Variants in GLIS3 observed in about 807,000 individuals in gnomAD.
GLIS3 encodes the protein GLIS family zinc finger 3.
In GLIS3, 53 loss-of-function variants were observed where a neutral mutation model predicts 78.6. The observed-to-expected ratio is 0.67, with a 90% CI of 0.54 to 0.85. The LOEUF is 0.85. Ranked by LOEUF, GLIS3 falls within the 40% of genes least tolerant of loss-of-function variation. The pLI is 0.00. For missense variants in GLIS3, 1,703 were observed against 1,231.1 expected, an observed-to-expected ratio of 1.38 and a Z score of -5.74; for synonymous variants, 684 against 509.9, an observed-to-expected ratio of 1.34 and a Z score of -4.60.
At chr9:4,112,341 G>C (rs1175521080) in intron 4 of GLIS3, among the ~76,000 whole-genome samples, 4 of 152,168 alleles carry the variant, frequency 2.6e-5, no homozygotes, top group Non-Finnish European at 5.9e-5. Flanking sequence ...TAATAATGTA[G>C]AGATTACTGT....
intron 2 of GLIS3, among the ~76,000 whole-genome samples, chr9:4,341,695 A>G (rs1273246231): frequency 6.6e-6 from 1 of 152,238 alleles, no homozygotes; most frequent in Non-Finnish European, 1.5e-5. Context: ...GCCAGCTCTG[A>G]TAACTGTGCC....
intron 2 of GLIS3, among the ~76,000 whole-genome samples, chr9:4,184,970 G>C (rs924538099): frequency 2.0e-5 from 3 of 152,106 alleles, no homozygotes; most frequent in Non-Finnish European, 4.4e-5. Flanking sequence ...AATTTATTGA[G>C]GTACATTTTA....
At chr9:3,883,506 GA>G (rs1359463103) in intron 7 of GLIS3, among the ~76,000 whole-genome samples, 3 of 152,168 alleles carry the variant, frequency 2.0e-5, no homozygotes, top group Non-Finnish European at 4.4e-5. Flanking sequence ...TTCGCAAAAG[GA>G]AAAACTTCCT....
At chr9:3,902,290 G>A (rs958601119) in intron 6 of GLIS3, among the ~76,000 whole-genome samples, 13 of 152,158 alleles carry the variant, frequency 8.5e-5, no homozygotes, top group Admixed American at 6.5e-4. Flanking sequence ...TCATGATATG[G>A]AAGTGTAGTG....
chr9:4,295,608 G>A (rs759541020), intron 1 of GLIS3, among the ~76,000 whole-genome samples: 2 of 152,134 alleles, frequency 1.3e-5, no homozygotes, highest in Non-Finnish European at 2.9e-5. Context: ...CAGGGCAACG[G>A]TTACCTTAGG....
At chr9:4,189,880 C>T (rs1156505674) in intron 2 of GLIS3, among the ~76,000 whole-genome samples, 1 of 151,928 alleles carries the variant, frequency 6.6e-6, no homozygotes, top group South Asian at 2.1e-4. Context: ...TATTATGAGC[C>T]TATGTGTGTC....
chr9:4,293,344 T>C (rs1388459260), intron 1 of GLIS3, among the ~76,000 whole-genome samples: 2 of 152,216 alleles, frequency 1.3e-5, no homozygotes, highest in Non-Finnish European at 2.9e-5. Flanking sequence ...TCCTTCAGCA[T>C]AGTTATTGCT....
intron 4 of GLIS3, among the ~76,000 whole-genome samples, chr9:3,972,737 A>G (rs1459530523): frequency 1.5e-4 from 23 of 152,084 alleles, no homozygotes; most frequent in Non-Finnish European, 2.9e-5. Context: ...TAGTTTATAT[A>G]TTTACTTTCC....
At position 4,012,765 on chromosome 9, in the gene GLIS3, CTTTTTTTT is replaced by C. The variant is rs71324278; in HGVS notation, c.1711-75584_1711-75577del. ...TCTCTGGTTTCTTTTTTTTCTTTTT[CTTTTTTTT>C]TTTTTTTTTTTTTTTTGAGACAGTG... On this transcript the variant is annotated intron_variant, in intron 4 of 10. Coordinates refer to ENST00000381971, the MANE Select transcript of GLIS3 (RefSeq NM_001042413.2). Among the ~76,000 whole-genome samples, 419 of 66,498 alleles carry C rather than the reference CTTTTTTTT, an allele frequency of 6.3e-3. 2 individuals carry two copies. The highest frequency in any genetic ancestry group is 0.022 in the African/African-American group (403 of 18,230). 43.6% of individuals were successfully genotyped at this position (66,498 alleles called of 152,430 possible).
chr9:4,275,198 C>A (rs1040670662), intron 2 of GLIS3, among the ~76,000 whole-genome samples: 1 of 152,164 alleles, frequency 6.6e-6, no homozygotes, highest in Non-Finnish European at 1.5e-5. Flanking sequence ...CCTAACTCCT[C>A]CCGAGTAGGC....
intron 2 of GLIS3, among the ~76,000 whole-genome samples, chr9:4,316,416 G>C (rs564854720): frequency 4.6e-5 from 7 of 152,236 alleles, no homozygotes; most frequent in African/African-American, 1.7e-4. Flanking sequence ...TCCTTGCTAG[G>C]GACAGAGTAG....
chr9:4,062,509 A>G (rs1042338842), intron 4 of GLIS3, among the ~76,000 whole-genome samples: 7 of 152,226 alleles, frequency 4.6e-5, no homozygotes, highest in Admixed American at 4.6e-4. Context: ...ACCATATCAC[A>G]TATTTGCTGT....
intron 2 of GLIS3, among the ~76,000 whole-genome samples, chr9:4,321,999 G>C (rs113803114): frequency 2.6e-5 from 4 of 151,992 alleles, no homozygotes; most frequent in Admixed American, 2.0e-4. Flanking sequence ...ATTCACATTA[G>C]GTATTTCTCC....
chr9:4,411,242 C>T, the GLIS3 span, among the ~76,000 whole-genome samples: 2 of 152,240 alleles, frequency 1.3e-5, no homozygotes, highest in Non-Finnish European at 1.5e-5. Context: ...ACCTTCACTC[C>T]TACAATGTGT....
intron 2 of GLIS3, among the ~76,000 whole-genome samples, chr9:4,274,278 G>A (rs1322583125): frequency 6.6e-6 from 1 of 152,178 alleles, no homozygotes; most frequent in Non-Finnish European, 1.5e-5. Context: ...AAACAAAAAT[G>A]CTGCATCCCT....
At chr9:3,965,175 A>ATTTC (rs1452590220) in intron 4 of GLIS3, among the ~76,000 whole-genome samples, 6 of 98,722 alleles carry the variant, frequency 6.1e-5, no homozygotes, top group Non-Finnish European at 8.6e-5. Flanking sequence ...CTTCTTTTCT[A>ATTTC]TTTCTTTCTT....
In GLIS3 at chr9:3,909,708, AG is replaced by A. The variant is rs1289560647; in HGVS notation, c.1984-10874del. On this transcript the variant is annotated intron_variant, in intron 6 of 10. Transcript: ENST00000381971. ...CAACAAAACTAATGATTATTTAGTA[AG>A]AAATGATGATTTATGGAAATTGTTC... Among the ~76,000 whole-genome samples, 4 of 152,222 alleles carry A rather than the reference AG, an allele frequency of 2.6e-5. 1 individual carries two copies. The highest frequency in any genetic ancestry group is 4.4e-5 in the Non-Finnish European group (3 of 68,038).
At chr9:3,848,497 T>C (rs1819205873) in intron 9 of GLIS3, among the ~76,000 whole-genome samples, 1 of 152,152 alleles carries the variant, frequency 6.6e-6, no homozygotes, top group African/African-American at 2.4e-5. Flanking sequence ...AGCGAAACTC[T>C]GTCTCAAAAA....
intron 8 of GLIS3, among the ~76,000 whole-genome samples, chr9:3,863,751 A>C (rs1820386604): frequency 6.6e-6 from 1 of 152,188 alleles, no homozygotes. Flanking sequence ...TTCTGGAGGA[A>C]AGTTTCTCCT....
Sources: allele counts gnomAD v4.1 joint callset (sites outside exome capture counted in the v4.1 genomes callset), GRCh38; gene constraint gnomAD v4.1.1; transcripts MANE v1.5; gene names NCBI Gene and HGNC (gene_info 2026-07-23, HGNC 2026-07-21).